Variants in KAZN observed in about 807,000 individuals in gnomAD.
KAZN encodes the protein kazrin.
In KAZN, 40 loss-of-function variants were observed where a neutral mutation model predicts 87.4. The observed-to-expected ratio is 0.46, with a 90% CI of 0.36 to 0.60. The LOEUF is 0.60. KAZN is among the 20% of genes least tolerant of loss of function. The pLI is 0.00. For synonymous variants in KAZN, 466 were observed against 458.3 expected (o/e 1.02, Z -0.22); for missense variants, 898 against 1,073.9 (o/e 0.84, Z 2.29).
chr1:15,015,361 C>T (rs1669982504), intron 2 of KAZN, among the ~76,000 whole-genome samples: 1 of 152,232 alleles, frequency 6.6e-6, no homozygotes, highest in South Asian at 2.1e-4. Context: ...CCATGTTGGC[C>T]AGGCTGGTCT....
intron 2 of KAZN, among the ~76,000 whole-genome samples, chr1:14,532,513 C>A (rs933375090): frequency 2.0e-5 from 3 of 151,228 alleles, no homozygotes; most frequent in Non-Finnish European, 2.9e-5. Context: ...TACATGTGCA[C>A]AATGTGCAGG....
chr1:14,952,438 G>C (rs1662607524), intron 1 of KAZN, among the ~76,000 whole-genome samples: 1 of 151,994 alleles, frequency 6.6e-6, no homozygotes, highest in Non-Finnish European at 1.5e-5. Context: ...TGCAGGGAGG[G>C]CTATAAAAAT....
chr1:14,832,341 G>A (rs1317865374), intron 1 of KAZN, among the ~76,000 whole-genome samples: 1 of 152,170 alleles, frequency 6.6e-6, no homozygotes, highest in East Asian at 1.9e-4. Context: ...TTCTTAAGCA[G>A]GGCCTCTCCC....
chr1:14,485,764 G>A (rs572135540), intron 2 of KAZN, among the ~76,000 whole-genome samples: 38 of 152,024 alleles, frequency 2.5e-4, no homozygotes, highest in African/African-American at 8.4e-4. Context: ...ATGCTGGTGC[G>A]TGCCTGTAGT....
chr1:14,214,257 G>A (rs116048660), intron 2 of KAZN, among the ~76,000 whole-genome samples: 71 of 133,966 alleles, frequency 5.3e-4, no homozygotes, highest in African/African-American at 1.9e-3. Flanking sequence ...AGTGTACATC[G>A]TTATCTGACA....
intron 2 of KAZN, among the ~76,000 whole-genome samples, chr1:14,465,520 A>G (rs967571164): frequency 1.1e-4 from 16 of 152,034 alleles, no homozygotes; most frequent in Non-Finnish European, 2.9e-5. Context: ...CACAGAACCA[A>G]GGTAGTAGGA....
At chr1:14,405,276 G>A (rs1473937079) in intron 2 of KAZN, among the ~76,000 whole-genome samples, 1 of 152,190 alleles carries the variant, frequency 6.6e-6, no homozygotes, top group East Asian at 1.9e-4. Context: ...GAGCCTGTTT[G>A]AGTTCAAATG....
chr1:15,026,018 A>G (rs976377042), intron 2 of KAZN, among the ~76,000 whole-genome samples: 1 of 151,194 alleles, frequency 6.6e-6, no homozygotes, highest in Non-Finnish European at 1.5e-5. Context: ...TCATCTTTGA[A>G]ACGGAAAAAA....
chr1:14,366,809 G>A (rs1660038120), intron 2 of KAZN, among the ~76,000 whole-genome samples: 1 of 152,186 alleles, frequency 6.6e-6, no homozygotes, highest in African/African-American at 2.4e-5. Flanking sequence ...CCACCAGCAA[G>A]GGCAGATGGT....
At position 14,430,435 on chromosome 1, in the gene KAZN, G is replaced by A. The variant is rs569169147; in HGVS notation, c.250-168548G>A. On this transcript the variant is annotated intron_variant, in intron 2 of 16. Transcript: ENST00000636203. Reference sequence around the variant, plus strand: ...GATTTATCGAAAGAAATTAGCCAAGGGTCTGGCTTTCAGGGTCTTAACCAC... The same window carrying A: ...GATTTATCGAAAGAAATTAGCCAAGAGTCTGGCTTTCAGGGTCTTAACCAC... Among the ~76,000 whole-genome samples the A allele has an allele frequency of 3.3e-5, 5 of 152,160 alleles. 1 individual carries two copies. In the East Asian group the frequency reaches 5.8e-4, roughly 18 times the overall value.
At chr1:14,896,767 A>G (rs1296152389) in intron 1 of KAZN, among the ~76,000 whole-genome samples, 1 of 152,086 alleles carries the variant, frequency 6.6e-6, no homozygotes, top group Non-Finnish European at 1.5e-5. Flanking sequence ...GTTTCTTGTG[A>G]TCTGTTGTGA....
At chr1:14,127,030 C>T (rs1028773083) in intron 1 of KAZN, among the ~76,000 whole-genome samples, 3 of 152,098 alleles carry the variant, frequency 2.0e-5, no homozygotes, top group Non-Finnish European at 4.4e-5. Context: ...CGCTTGAACC[C>T]GGGAGGTGGA....
chr1:13,936,249 A>G (rs1415368278), intron 1 of KAZN, among the ~76,000 whole-genome samples: 1 of 151,314 alleles, frequency 6.6e-6, no homozygotes, highest in African/African-American at 2.4e-5. Flanking sequence ...GGCATGCACC[A>G]CCATGCCTGG....
chr1:14,696,080 G>A (rs1641587890), intron 1 of KAZN, among the ~76,000 whole-genome samples: 1 of 152,078 alleles, frequency 6.6e-6, no homozygotes, highest in Admixed American at 6.5e-5. Flanking sequence ...TGCTGTGCTT[G>A]CTCCTGCCAT....
intron 2 of KAZN, among the ~76,000 whole-genome samples, chr1:14,492,728 CCACATACAGCA>C (rs1669732572): frequency 8.5e-5 from 1 of 11,726 alleles, no homozygotes; most frequent in African/African-American, 3.2e-4. Flanking sequence ...ACCACACACA[CCACATACAGCA>C]CACACACCAC....
intron 1 of KAZN, among the ~76,000 whole-genome samples, chr1:14,099,583 A>G (rs931113479): frequency 2.0e-5 from 3 of 152,164 alleles, no homozygotes; most frequent in Non-Finnish European, 2.9e-5. Flanking sequence ...TCCCATCAGG[A>G]AACTGCCTTG....
At chr1:14,883,345 A>AGGGAGGGAGG (rs1491202513) in intron 1 of KAZN, among the ~76,000 whole-genome samples, 1 of 28,506 alleles carries the variant, frequency 3.5e-5, no homozygotes. Context: ...AGAGAGAGAA[A>AGGGAGGGAGG]GAAAGAAAGA....
At chr1:14,152,038 A>AT (rs1306595243) in intron 1 of KAZN, among the ~76,000 whole-genome samples, 4 of 152,134 alleles carry the variant, frequency 2.6e-5, no homozygotes, top group Non-Finnish European at 5.9e-5. Context: ...TTTAATTTTA[A>AT]TTTTTGTGGG....
intron 2 of KAZN, among the ~76,000 whole-genome samples, chr1:14,237,859 C>T (rs1034322775): frequency 1.3e-5 from 2 of 152,170 alleles, no homozygotes; most frequent in African/African-American, 4.8e-5. Context: ...TCAGCTGTGC[C>T]ACATGCAGGC....
Sources: gnomAD v4.1 joint callset for allele counts (sites outside exome capture counted in the v4.1 genomes callset) on GRCh38, gnomAD v4.1.1 for gene constraint, MANE v1.5 for transcripts, NCBI Gene and HGNC (gene_info 2026-07-23, HGNC 2026-07-21) for gene names.